Variants in RNF152 observed in about 807,000 individuals in gnomAD.
RNF152 encodes the protein ring finger protein 152.
A neutral mutation model predicts 12.7 loss-of-function variants in RNF152; 11 were observed. The observed-to-expected ratio is 0.86, with a 90% CI of 0.54 to 1.43. The LOEUF (loss-of-function observed/expected upper bound fraction) is 1.43. Among genes scored for constraint, RNF152 ranks in the 40% most tolerant of loss-of-function variants. The pLI, the probability that RNF152 is intolerant of heterozygous loss-of-function variation, is 0.00. For synonymous variants in RNF152, 113 were observed against 120.3 expected (o/e 0.94, Z 0.40); for missense variants, 255 against 274.8 (o/e 0.93, Z 0.51).
intron 1 of RNF152, among the ~76,000 whole-genome samples, chr18:61,889,007 G>T (rs1039009643): frequency 7.2e-5 from 11 of 152,168 alleles, no homozygotes; most frequent in African/African-American, 2.2e-4. Context: ...GTCCCTCGGG[G>T]CTTTCATTTT....
chr18:61,846,412 T>C (rs1910746730), intron 1 of RNF152, among the ~76,000 whole-genome samples: 1 of 152,144 alleles, frequency 6.6e-6, no homozygotes, highest in Non-Finnish European at 1.5e-5. Flanking sequence ...TCTCATTCAA[T>C]CTCATCGCTA....
At chr18:61,824,371 A>G (rs1277702977) in intron 1 of RNF152, among the ~76,000 whole-genome samples, 3 of 152,226 alleles carry the variant, frequency 2.0e-5, no homozygotes, top group Non-Finnish European at 4.4e-5. Flanking sequence ...ATTGCTGAAA[A>G]CACTGCTGGG....
chr18:61,869,498 C>T (rs1385175149), intron 1 of RNF152, among the ~76,000 whole-genome samples: 1 of 152,194 alleles, frequency 6.6e-6, no homozygotes, highest in African/African-American at 2.4e-5. Context: ...TAAAGGTGAA[C>T]ACCCAGAGAC....
At chr18:61,869,185 C>A (rs1911875243) in intron 1 of RNF152, among the ~76,000 whole-genome samples, 1 of 152,144 alleles carries the variant, frequency 6.6e-6, no homozygotes, top group South Asian at 2.1e-4. Context: ...GACCACAAAA[C>A]CCTAATTAGT....
intron 1 of RNF152, among the ~76,000 whole-genome samples, chr18:61,860,529 A>T (rs998419798): frequency 2.0e-5 from 3 of 152,214 alleles, no homozygotes; most frequent in Non-Finnish European, 2.9e-5. Context: ...GGCTGGTGTA[A>T]AGAAACCTAC....
At chr18:61,844,137 AGAAATT>A (rs1431587625) in intron 1 of RNF152, among the ~76,000 whole-genome samples, 1 of 145,044 alleles carries the variant, frequency 6.9e-6, no homozygotes, top group African/African-American at 2.6e-5. Context: ...AAAGAAAGAA[AGAAATT>A]AAGAGAAAAG....
At position 61,815,723 on chromosome 18, in the gene RNF152, G is replaced by C; in HGVS notation, c.*129C>G. 3 of 1,014,036 alleles carry C rather than the reference G, an allele frequency of 3.0e-6. No homozygotes were observed. Among genetic ancestry groups the C allele is most frequent in the Non-Finnish European group, 4.4e-6 (3 of 680,080 alleles). The allele number at this position is 1,014,036 out of a possible 1,614,324, so 62.8% of individuals were successfully genotyped here. A position where few individuals can be genotyped will look rare whatever the true frequency, so the allele number is the denominator to read the frequency against. On this transcript the variant is annotated 3_prime_UTR_variant, in exon 2 of 2. Coordinates refer to ENST00000312828, the MANE Select transcript of RNF152 (RefSeq NM_173557.3). ...TTTGTGTCTGTCTTGGGGTAATCAA[G>C]AGGCAACCCAGAGGCCAGCGCTCAG... is the stretch of plus-strand genomic sequence containing the variant.
intron 1 of RNF152, among the ~76,000 whole-genome samples, chr18:61,871,116 G>A (rs1911972353): frequency 6.6e-6 from 1 of 151,786 alleles, no homozygotes; most frequent in Non-Finnish European, 1.5e-5. Context: ...ACAACCTCTC[G>A]GAGGTGTGTA....
At chr18:61,869,607 C>T (rs1374600084) in intron 1 of RNF152, among the ~76,000 whole-genome samples, 1 of 152,164 alleles carries the variant, frequency 6.6e-6, no homozygotes, top group Non-Finnish European at 1.5e-5. Context: ...AGTTTGGCAT[C>T]AAGAACTTAG....
chr18:61,883,699 C>G (rs1278820434), intron 1 of RNF152, among the ~76,000 whole-genome samples: 1 of 152,116 alleles, frequency 6.6e-6, no homozygotes, highest in Non-Finnish European at 1.5e-5. Context: ...AGAAAGCAGA[C>G]CCTGAGAAAG....
At chr18:61,874,763 G>C (rs1053536464) in intron 1 of RNF152, among the ~76,000 whole-genome samples, 1 of 152,166 alleles carries the variant, frequency 6.6e-6, no homozygotes, top group African/African-American at 2.4e-5. Context: ...TAAGCATAGT[G>C]GGGTATCTAA....
chr18:61,886,406 G>C (rs1912701282), intron 1 of RNF152, among the ~76,000 whole-genome samples: 1 of 152,196 alleles, frequency 6.6e-6, no homozygotes, highest in Admixed American at 6.5e-5. Context: ...GCTTGCAAGA[G>C]AACTGAGATC....
chr18:61,817,636 C>T (rs1392745245), intron 1 of RNF152, among the ~76,000 whole-genome samples: 2 of 151,776 alleles, frequency 1.3e-5, no homozygotes, highest in Non-Finnish European at 2.9e-5. Context: ...GGTCCTGGAA[C>T]CAATGCCCTC....
At chr18:61,870,527 C>A in intron 1 of RNF152, among the ~76,000 whole-genome samples, 1 of 152,270 alleles carries the variant, frequency 6.6e-6, no homozygotes, top group South Asian at 2.1e-4. Context: ...CTCTGTGGTT[C>A]CAAAGCCTGC....
rs79951917 is a variant in RNF152 at position 61,892,071 on chromosome 18, G to A, written c.-136+724C>T. On this transcript the variant is annotated intron_variant, in intron 1 of 1. Coordinates refer to ENST00000312828, the MANE Select transcript of RNF152 (RefSeq NM_173557.3). The stretch of plus-strand genomic sequence containing the variant: ...ATCAAGATAACCCCAGATCTGGCTA[G>A]GCTGACATCAAAACAGAACTATCCT... Among the ~76,000 whole-genome samples, 1,164 of 152,266 alleles carry A rather than the reference G, an allele frequency of 7.6e-3. 19 individuals carry two copies. Among genetic ancestry groups the A allele is most frequent in the African/African-American group, 0.027 (1,119 of 41,538 alleles).
upstream of RNF152, chr18:61,894,038 C>T (rs1913100296): frequency 6.6e-6 from 1 of 152,156 alleles, no homozygotes; most frequent in South Asian, 2.1e-4. The surrounding 1 kb of genome is among the most constrained non-coding windows in gnomAD (Gnocchi z 4.9). Context: ...CCCTTTCCCG[C>T]TTCCACGGCT....
At chr18:61,833,056 G>A (rs1486686140) in intron 1 of RNF152, among the ~76,000 whole-genome samples, 2 of 152,194 alleles carry the variant, frequency 1.3e-5, no homozygotes, top group Admixed American at 6.5e-5. Flanking sequence ...ATGGCAGCGT[G>A]CTTTCTTCCA....
intron 1 of RNF152, among the ~76,000 whole-genome samples, chr18:61,890,680 T>C (rs1012295364): frequency 1.3e-5 from 2 of 152,184 alleles, no homozygotes; most frequent in African/African-American, 2.4e-5. Flanking sequence ...TCAGATAATA[T>C]GGAAAAGCAA....
chr18:61,816,471 C>G lies in RNF152; in HGVS notation c.-8G>C. ...CTGGGACAGCGTCTCCATGGTGGAC[C>G]GTGAGCAGGAAGGGCAAGGCCAAGG... On this transcript the variant is annotated 5_prime_UTR_variant, in exon 2 of 2. Coordinates refer to ENST00000312828, the MANE Select transcript of RNF152 (RefSeq NM_173557.3). 1 of 1,588,078 alleles carries G rather than the reference C, an allele frequency of 6.3e-7. No individual in the cohort carries two copies.
Sources: allele counts gnomAD v4.1 joint callset (sites outside exome capture counted in the v4.1 genomes callset), GRCh38; gene constraint gnomAD v4.1.1; non-coding constraint Gnocchi (gnomAD v3.1); transcripts MANE v1.5; gene names NCBI Gene and HGNC (gene_info 2026-07-23, HGNC 2026-07-21).